Variants in MCPH1 observed in about 807,000 individuals in gnomAD.
MCPH1 encodes the protein microcephalin.
Under a neutral mutation model 84.5 loss-of-function variants are expected in MCPH1, and 104 were observed. The observed-to-expected ratio is 1.23, with a 90% CI of 1.05 to 1.45. The LOEUF is 1.45. Ranked by LOEUF, MCPH1 falls within the 40% of genes most tolerant of loss-of-function variation. The pLI is 0.00. For missense variants in MCPH1, 1,498 were observed against 1,005.7 expected (o/e 1.49, Z -6.62); for synonymous variants, 514 against 366.8 (o/e 1.40, Z -4.58).
intron 12 of MCPH1, chr8:6,521,494 A>G (rs1817327979): frequency 1.0e-6 from 1 of 1,004,266 alleles, no homozygotes; most frequent in Non-Finnish European, 1.4e-6. Flanking sequence ...TCTCCAAGGT[A>G]CTCTGTTAAG....
chr8:6,407,495 C>G (rs1303546911), intron 1 of MCPH1, among the ~76,000 whole-genome samples: 1 of 152,074 alleles, frequency 6.6e-6, no homozygotes, highest in Non-Finnish European at 1.5e-5. Context: ...CTCTGTGCAC[C>G]TGGAAGAGCC....
intron 12 of MCPH1, among the ~76,000 whole-genome samples, chr8:6,613,653 G>GTGGA (rs1830508124): frequency 6.6e-6 from 1 of 152,120 alleles, no homozygotes; most frequent in South Asian, 2.1e-4. Context: ...AGGGGCACCT[G>GTGGA]TGGATGTCCT....
At chr8:6,537,918 T>C (rs1003578055) in intron 12 of MCPH1, among the ~76,000 whole-genome samples, 6 of 152,172 alleles carry the variant, frequency 3.9e-5, no homozygotes, top group Admixed American at 3.3e-4. Context: ...TCCTTAGACC[T>C]TTTTACTAAT....
intron 9 of MCPH1, among the ~76,000 whole-genome samples, chr8:6,471,661 G>T (rs946188292): frequency 6.6e-6 from 1 of 152,174 alleles, no homozygotes; most frequent in African/African-American, 2.4e-5. Context: ...ACTTGATCTT[G>T]GGTTAGCAGT....
chr8:6,579,893 C>G (rs907790312), intron 12 of MCPH1, among the ~76,000 whole-genome samples: 2 of 152,186 alleles, frequency 1.3e-5, no homozygotes, highest in African/African-American at 4.8e-5. Context: ...ACTGCCCACA[C>G]AGAACTGGCC....
chr8:6,563,998 T>A (rs1324345655), intron 12 of MCPH1, among the ~76,000 whole-genome samples: 1 of 140,686 alleles, frequency 7.1e-6, no homozygotes, highest in Non-Finnish European at 1.6e-5. Context: ...TTTTTTTTTT[T>A]TGAGACGGAG....
At chr8:6,597,509 A>G (rs567898849) in intron 12 of MCPH1, among the ~76,000 whole-genome samples, 1 of 152,136 alleles carries the variant, frequency 6.6e-6, no homozygotes, top group Non-Finnish European at 1.5e-5. Flanking sequence ...ATAAAAGACA[A>G]CAAACAGCCC....
At chr8:6,601,496 C>T (rs972425528) in intron 12 of MCPH1, among the ~76,000 whole-genome samples, 1 of 151,384 alleles carries the variant, frequency 6.6e-6, no homozygotes, top group Non-Finnish European at 1.5e-5. Context: ...CGCCATGACA[C>T]CCCCTACCTG....
chr8:6,574,403 C>G (rs1826898724), intron 12 of MCPH1, among the ~76,000 whole-genome samples: 1 of 152,194 alleles, frequency 6.6e-6, no homozygotes, highest in Non-Finnish European at 1.5e-5. Context: ...GAGCCCACCC[C>G]ACTCCAGGAG....
At chr8:6,420,406 G>T (rs1029352926) in intron 3 of MCPH1, among the ~76,000 whole-genome samples, 16 of 152,206 alleles carry the variant, frequency 1.1e-4, no homozygotes, top group African/African-American at 3.6e-4. Context: ...ACTTGCAGCT[G>T]TGTTGGAATT....
chr8:6,570,810 T>G (rs971584163), intron 12 of MCPH1, among the ~76,000 whole-genome samples: 1 of 147,130 alleles, frequency 6.8e-6, no homozygotes, highest in East Asian at 1.9e-4. Context: ...GTTGTTTTTT[T>G]TTTTTTTTTT....
intron 9 of MCPH1, among the ~76,000 whole-genome samples, chr8:6,464,269 G>T (rs1166384328): frequency 6.6e-6 from 1 of 152,152 alleles, no homozygotes; most frequent in Non-Finnish European, 1.5e-5. Context: ...CAGTGGCGGG[G>T]ATGTGCTCGT....
chr8:6,460,161 G>A (rs1213006859), intron 9 of MCPH1, among the ~76,000 whole-genome samples: 4 of 151,866 alleles, frequency 2.6e-5, no homozygotes, highest in Non-Finnish European at 5.9e-5. Context: ...CTCCATTGCT[G>A]GGAACGCAAT....
chr8:6,554,066 T>C (rs968308545), intron 12 of MCPH1, among the ~76,000 whole-genome samples: 2 of 150,746 alleles, frequency 1.3e-5, no homozygotes, highest in Admixed American at 6.7e-5. Flanking sequence ...AAGGTGCTAA[T>C]GTATTTCCTG....
At chr8:6,453,491 C>T (rs574498756) in intron 8 of MCPH1, among the ~76,000 whole-genome samples, 13 of 150,760 alleles carry the variant, frequency 8.6e-5, no homozygotes, top group Non-Finnish European at 1.8e-4. Context: ...CAGCCTGTTT[C>T]GTTGTTCGGC....
intron 12 of MCPH1, among the ~76,000 whole-genome samples, chr8:6,505,778 T>A (rs139030698): frequency 0.11 from 12,801 of 117,850 alleles, 1,043 homozygotes; most frequent in African/African-American, 0.23. Flanking sequence ...TATATATTCT[T>A]TATATATGTA....
chr8:6,625,905 T>C (rs1832028187), intron 13 of MCPH1: 4 of 985,346 alleles, frequency 4.1e-6, no homozygotes, highest in Non-Finnish European at 4.8e-6. Context: ...TTTTAGCCAC[T>C]AGGAACCTCT....
Position 6,646,275 on chromosome 8 carries a change from A to T in MCPH1, c.*3226A>T, listed in dbSNP as rs1798212495. The T allele has an allele frequency of 6.6e-6, 1 of 152,142 alleles. No homozygotes were observed. The highest frequency in any genetic ancestry group is 1.5e-5 in the Non-Finnish European group (1 of 68,038). The allele number at this position is 152,142 out of a possible 1,614,324, so 9.4% of individuals were successfully genotyped here. On this transcript the variant is annotated 3_prime_UTR_variant, in exon 14 of 14. Transcript: ENST00000344683. ...CCTTGTCTCTACTAGAAATACAAAA[A>T]ATTAGCCAGGCATGATGGCACACAC...
At chr8:6,604,515 G>A (rs1829605480) in intron 12 of MCPH1, among the ~76,000 whole-genome samples, 1 of 152,240 alleles carries the variant, frequency 6.6e-6, no homozygotes, top group Non-Finnish European at 1.5e-5. Context: ...TGCTGTTGTT[G>A]TTGTTTTGAG....
Sources: gnomAD v4.1 joint callset for allele counts (sites outside exome capture counted in the v4.1 genomes callset) on GRCh38, gnomAD v4.1.1 for gene constraint, MANE v1.5 for transcripts, NCBI Gene and HGNC (gene_info 2026-07-23, HGNC 2026-07-21) for gene names.